The following LIMS1 variants were observed in gnomAD, a reference collection of about 807,000 sequenced individuals.
LIMS1 encodes LIM and senescent cell antigen-like-containing domain protein 1.
A neutral mutation model predicts 44.1 loss-of-function variants in LIMS1; 18 were observed. The ratio of observed to expected loss-of-function variants is 0.41; its 90% CI spans 0.28 to 0.61. LIMS1 has a LOEUF of 0.61. Ranked by LOEUF, LIMS1 falls within the 20% of genes least tolerant of loss-of-function variation. LIMS1 has a pLI of 0.32. For synonymous variants in LIMS1, 93 were observed against 149.1 expected (o/e 0.62, Z 2.74); for missense variants, 201 against 422.0 (o/e 0.48, Z 4.59).
intron 1 of LIMS1, among the ~76,000 whole-genome samples, chr2:108,542,954 T>G (rs1394327032): frequency 6.6e-6 from 1 of 152,268 alleles, no homozygotes; most frequent in Non-Finnish European, 1.5e-5. Flanking sequence ...TGGCTGTGCT[T>G]GCATATGTGA....
intron 1 of LIMS1, among the ~76,000 whole-genome samples, chr2:108,556,620 C>T (rs1684931491): frequency 6.6e-6 from 1 of 152,200 alleles, no homozygotes; most frequent in South Asian, 2.1e-4. Flanking sequence ...TCTCTCCTTT[C>T]CTTCCCTCCC....
chr2:108,654,097 GGTT>G (rs1690687380), intron 1 of LIMS1, among the ~76,000 whole-genome samples: 1 of 151,650 alleles, frequency 6.6e-6, no homozygotes, highest in Admixed American at 6.6e-5. Context: ...GAGGGATGTA[GGTT>G]GTTATCTTTG....
intron 1 of LIMS1, among the ~76,000 whole-genome samples, chr2:108,585,083 G>T (rs1051360300): frequency 6.6e-6 from 1 of 150,580 alleles, no homozygotes; most frequent in Non-Finnish European, 1.5e-5. Flanking sequence ...CGTAGGAAGT[G>T]GAGGCTGCAA....
chr2:108,637,012 A>G (rs1033607416), intron 1 of LIMS1, among the ~76,000 whole-genome samples: 12 of 152,164 alleles, frequency 7.9e-5, no homozygotes, highest in Admixed American at 7.9e-4. Context: ...TAGCTGAAAT[A>G]ATCCCTTGCC....
intron 1 of LIMS1, among the ~76,000 whole-genome samples, chr2:108,591,802 T>G (rs757555235): frequency 3.4e-3 from 87 of 25,390 alleles, no homozygotes; most frequent in African/African-American, 7.8e-3. Context: ...TTTTTTTTTG[T>G]TTTTTTTTTT....
At chr2:108,598,844 T>G (rs1686854538) in intron 1 of LIMS1, among the ~76,000 whole-genome samples, 1 of 152,048 alleles carries the variant, frequency 6.6e-6, no homozygotes, top group African/African-American at 2.4e-5. Flanking sequence ...AAGAAAAATC[T>G]GTTTTCTCAA....
intron 1 of LIMS1, among the ~76,000 whole-genome samples, chr2:108,636,254 A>G (rs1337616249): frequency 6.6e-6 from 1 of 152,206 alleles, no homozygotes; most frequent in Non-Finnish European, 1.5e-5. Context: ...CCAATACCAG[A>G]GAAGGCTGTT....
At chr2:108,607,558 T>C (rs1263670348) in intron 1 of LIMS1, among the ~76,000 whole-genome samples, 1 of 152,160 alleles carries the variant, frequency 6.6e-6, no homozygotes, top group East Asian at 1.9e-4. Context: ...TGGGCGGAGT[T>C]CCATTTTACT....
intron 1 of LIMS1, among the ~76,000 whole-genome samples, chr2:108,535,419 G>C (rs1684097763): frequency 6.6e-6 from 1 of 152,170 alleles, no homozygotes; most frequent in Admixed American, 6.5e-5. Context: ...AAATTCCTTG[G>C]TCTGTCTTGC....
intron 2 of LIMS1, among the ~76,000 whole-genome samples, chr2:108,667,538 T>TAAAAA (rs546617468): frequency 8.6e-5 from 11 of 128,536 alleles, no homozygotes; most frequent in South Asian, 2.5e-4. Context: ...CAACCTTTTT[T>TAAAAA]AAAAAAAAAA....
At chr2:108,646,268 A>G (rs577410823) in intron 1 of LIMS1, among the ~76,000 whole-genome samples, 2 of 152,306 alleles carry the variant, frequency 1.3e-5, no homozygotes, top group East Asian at 3.9e-4. Flanking sequence ...AAAAAATGGA[A>G]ATCATAATGG....
intron 1 of LIMS1, among the ~76,000 whole-genome samples, chr2:108,597,337 A>G (rs1229587859): frequency 2.0e-5 from 3 of 152,212 alleles, no homozygotes; most frequent in Non-Finnish European, 4.4e-5. Flanking sequence ...CCAGGAATTC[A>G]TGCCCCCAGT....
intron 1 of LIMS1, among the ~76,000 whole-genome samples, chr2:108,552,614 T>G (rs996942662): frequency 4.7e-4 from 42 of 89,690 alleles, no homozygotes; most frequent in African/African-American, 1.4e-3. Context: ...GTGTGTGTGT[T>G]TTTGGAGACA....
At chr2:108,569,541 G>A (rs981403804) in intron 1 of LIMS1, among the ~76,000 whole-genome samples, 1 of 151,942 alleles carries the variant, frequency 6.6e-6, no homozygotes, top group African/African-American at 2.4e-5. Flanking sequence ...GTGGATGTCC[G>A]GTTTTCCTAG....
At chr2:108,684,062 A>G in exon 10 of LIMS1, 1 of 812,102 alleles carries the variant, frequency 1.2e-6, no homozygotes, top group Non-Finnish European at 2.0e-6. Context: ...GTCTTGATCT[A>G]CCCATATTTA....
At chr2:108,542,708 G>A (rs1177248354) in intron 1 of LIMS1, among the ~76,000 whole-genome samples, 3 of 152,126 alleles carry the variant, frequency 2.0e-5, no homozygotes, top group African/African-American at 7.2e-5. Flanking sequence ...TTGTTACTCT[G>A]CTAGGAGTAG....
chr2:108,686,006 G>C (rs1027891374), exon 10 of LIMS1: 2 of 152,180 alleles, frequency 1.3e-5, no homozygotes, highest in Non-Finnish European at 2.9e-5. Context: ...AGGTTCCATT[G>C]CTGTCTTTGC....
intron 1 of LIMS1, among the ~76,000 whole-genome samples, chr2:108,542,616 T>C (rs764251671): frequency 2.0e-4 from 30 of 152,210 alleles, no homozygotes; most frequent in Non-Finnish European, 3.5e-4. Flanking sequence ...AGACAACCTA[T>C]CCAGTTTTAC....
intron 2 of LIMS1, among the ~76,000 whole-genome samples, chr2:108,665,508 T>C (rs1332565010): frequency 6.6e-6 from 1 of 152,116 alleles, no homozygotes; most frequent in African/African-American, 2.4e-5. Flanking sequence ...GCTTTCCTTT[T>C]TAATTTATTT....
Sources: allele counts gnomAD v4.1 joint callset (sites outside exome capture counted in the v4.1 genomes callset), GRCh38; gene constraint gnomAD v4.1.1; transcripts MANE v1.5; gene names NCBI Gene and HGNC (gene_info 2026-07-23, HGNC 2026-07-21).